The following VTA1 variants were observed in gnomAD, a reference collection of about 807,000 sequenced individuals.
VTA1 encodes the protein vesicle trafficking 1.
VTA1 carries 24 observed loss-of-function variants against 36.9 expected under a neutral mutation model. The ratio of observed to expected loss-of-function variants is 0.65; its 90% CI spans 0.47 to 0.91. The LOEUF (loss-of-function observed/expected upper bound fraction) is 0.91, where lower values mean the gene tolerates loss of function less well. Ranked by LOEUF, VTA1 falls within the 40% of genes least tolerant of loss-of-function variation. The pLI, the probability that VTA1 is intolerant of heterozygous loss-of-function variation, is 0.00. For synonymous variants in VTA1, 142 were observed against 130.2 expected, an observed-to-expected ratio of 1.09 and a Z score of -0.62; for missense variants, 393 against 377.2, an observed-to-expected ratio of 1.04 and a Z score of -0.35.
chr6:142,194,477 T>C (rs1212200992), intron 5 of VTA1, among the ~76,000 whole-genome samples: 1 of 152,158 alleles, frequency 6.6e-6, no homozygotes, highest in African/African-American at 2.4e-5. Context: ...TTTACCTCTT[T>C]TGTTAAATTT....
chr6:142,221,946 G>C lies in VTA1; in HGVS notation c.*3303G>C, dbSNP rs1562274465. The C allele has an allele frequency of 6.6e-6, 1 of 151,438 alleles. No individual in the cohort carries two copies. Among genetic ancestry groups the C allele is most frequent in the Admixed American group, 6.6e-5 (1 of 15,184 alleles). 9.4% of individuals were successfully genotyped at this position (151,438 alleles called of 1,614,324 possible). A position where few individuals can be genotyped will look rare whatever the true frequency, so the allele number is the denominator to read the frequency against. ...AGATCGTGCCACTGCACTCCAGCCT[G>C]GGCGACAGAGCGAGACTCCTTCTCA... On this transcript the variant is annotated 3_prime_UTR_variant, in exon 8 of 8. Transcript: ENST00000367630.
At chr6:142,193,011 G>A (rs1408103751) in intron 5 of VTA1, among the ~76,000 whole-genome samples, 2 of 151,964 alleles carry the variant, frequency 1.3e-5, no homozygotes, top group African/African-American at 4.8e-5. Flanking sequence ...GATTTTAGCA[G>A]TTGACTCAGT....
chr6:142,181,097 ATAT>A (rs1456504304), intron 4 of VTA1, among the ~76,000 whole-genome samples: 18 of 86,502 alleles, frequency 2.1e-4, no homozygotes, highest in Admixed American at 5.2e-4. Context: ...AAAAAAAAAT[ATAT>A]ATATATATAT....
At position 142,210,048 on chromosome 6, in the gene VTA1, G is replaced by T. The variant is rs186525321; in HGVS notation, c.778+5983G>T. 7.2e-3 allele frequency among the ~76,000 whole-genome samples: 1,103 copies of T among 152,172 alleles called. 16 individuals carry two copies. The highest frequency in any genetic ancestry group is 0.025 in the African/African-American group (1,048 of 41,516). ...AAGCTATGATAACCAAAACAACATG[G>T]TACTGGCATAAAAAACAGACACATG... is the stretch of plus-strand genomic sequence containing the variant. On this transcript the variant is annotated intron_variant, in intron 7 of 7. Transcript: ENST00000367630.
At chr6:142,198,684 A>G (rs1452260700) in intron 6 of VTA1, 69 bp downstream of exon 6, 1 of 1,399,278 alleles carries the variant, frequency 7.1e-7, no homozygotes, top group African/African-American at 1.4e-5. Context: ...TTCTTATCAC[A>G]TATGTGCCTC....
intron 1 of VTA1, among the ~76,000 whole-genome samples, chr6:142,165,061 G>A (rs1334842392): frequency 6.6e-6 from 1 of 152,182 alleles, no homozygotes; most frequent in Admixed American, 6.5e-5. Flanking sequence ...AAACCAATTT[G>A]ACAGAAGATT....
At chr6:142,197,077 T>C (rs563197400) in intron 5 of VTA1, among the ~76,000 whole-genome samples, 1 of 152,184 alleles carries the variant, frequency 6.6e-6, no homozygotes, top group South Asian at 2.1e-4. Flanking sequence ...AAATGTTACC[T>C]GGTAAGATTT....
rs556963882 is a variant in VTA1 at position 142,169,675 on chromosome 6, C to G, written c.333C>G (p.His111Gln). Residue 111 changes from histidine (H) to glutamine (Q), a missense_variant and splice_region_variant, in exon 3 of 8, where the codon CAC (histidine) becomes CAG (glutamine). By Grantham distance (24) the His-to-Gln change is conservative. Transcript: ENST00000367630. ...ATGAAGATCGTGCTGGACGATTTCA[C>G]AAGTAAGTAAAGAGAAAAATAAAAA... is the stretch of plus-strand genomic sequence containing the variant. Reference protein sequence around the residue: ...ADNEDRAGRFHKNMIKSFYTA... With the variant: ...ADNEDRAGRFQKNMIKSFYTA... 11 of 1,572,678 alleles carry G rather than the reference C, an allele frequency of 7.0e-6. No individual in the cohort carries two copies. The highest frequency in any genetic ancestry group is 9.4e-6 in the Non-Finnish European group (11 of 1,166,954).
intron 1 of VTA1, among the ~76,000 whole-genome samples, chr6:142,156,047 G>A (rs139131872): frequency 6.6e-6 from 1 of 152,260 alleles, no homozygotes; most frequent in African/African-American, 2.4e-5. Context: ...TAAGGCAGTT[G>A]TGGTCCCTAG....
intron 7 of VTA1, among the ~76,000 whole-genome samples, chr6:142,206,702 A>G (rs1187236415): frequency 2.0e-5 from 3 of 152,200 alleles, no homozygotes; most frequent in African/African-American, 7.2e-5. Flanking sequence ...AACATAATAC[A>G]AATCTGCAGT....
intron 1 of VTA1, among the ~76,000 whole-genome samples, chr6:142,160,568 A>T (rs1374819460): frequency 1.3e-5 from 2 of 151,822 alleles, no homozygotes; most frequent in Non-Finnish European, 2.9e-5. Flanking sequence ...ACTCAAGAGG[A>T]CTGTTTTCTG....
At chr6:142,169,849 T>C (rs972244301) in intron 3 of VTA1, among the ~76,000 whole-genome samples, 172 bp downstream of exon 3, 1 of 152,128 alleles carries the variant, frequency 6.6e-6, no homozygotes, top group Admixed American at 6.5e-5. Flanking sequence ...CTTTCTCTTA[T>C]AAGAAAATGG....
intron 1 of VTA1, among the ~76,000 whole-genome samples, chr6:142,163,882 A>G (rs183947344): frequency 3.0e-4 from 45 of 152,272 alleles, no homozygotes; most frequent in African/African-American, 1.1e-3. Flanking sequence ...ATATTGATGT[A>G]CTAATACTGT....
intron 1 of VTA1, among the ~76,000 whole-genome samples, chr6:142,149,754 T>C (rs763307412): frequency 1.3e-5 from 2 of 152,218 alleles, no homozygotes; most frequent in African/African-American, 2.4e-5. Context: ...TCTGATTTTA[T>C]AGGCTTTCAT....
At position 142,200,544 on chromosome 6, in the gene VTA1, A is replaced by C. The variant is rs1775664346; in HGVS notation, c.697+1929A>C. Reference sequence around the variant, plus strand: ...ACACTCTATGAGTATACAAAAGAGAACACTTTTAACAGGAGGGCTATAGTA... The same window carrying C: ...ACACTCTATGAGTATACAAAAGAGACCACTTTTAACAGGAGGGCTATAGTA... On this transcript the variant is annotated intron_variant, in intron 6 of 7. Transcript: ENST00000367630. Among the ~76,000 whole-genome samples, 6 of 151,976 alleles carry C rather than the reference A, an allele frequency of 3.9e-5. No homozygotes were observed. The South Asian group carries it at 1.2e-3, about 31-fold the overall frequency.
chr6:142,178,297 A>G (rs904015827), intron 4 of VTA1, among the ~76,000 whole-genome samples: 4 of 152,142 alleles, frequency 2.6e-5, no homozygotes, highest in African/African-American at 9.6e-5. Context: ...TAAAGGGCTG[A>G]AAGAAAAAAA....
chr6:142,180,926 C>T (rs1184105999), intron 4 of VTA1, among the ~76,000 whole-genome samples: 5 of 151,042 alleles, frequency 3.3e-5, no homozygotes, highest in East Asian at 3.9e-4. Context: ...CTACAAAGGA[C>T]GTGATTGGGA....
chr6:142,182,362 TCAAA>T (rs1402371819), intron 4 of VTA1, among the ~76,000 whole-genome samples: 2 of 152,096 alleles, frequency 1.3e-5, no homozygotes, highest in Admixed American at 1.3e-4. Flanking sequence ...GGGGGAGGAT[TCAAA>T]CAGAGAATTT....
intron 1 of VTA1, among the ~76,000 whole-genome samples, chr6:142,149,258 C>T (rs1016977817): frequency 2.6e-5 from 4 of 152,142 alleles, no homozygotes; most frequent in African/African-American, 7.2e-5. Flanking sequence ...AAACTGCTCT[C>T]ATCAGGCTTA....
Sources: allele counts gnomAD v4.1 joint callset (sites outside exome capture counted in the v4.1 genomes callset), GRCh38; gene constraint gnomAD v4.1.1; transcripts MANE v1.5; gene names NCBI Gene and HGNC (gene_info 2026-07-23, HGNC 2026-07-21).